The following WDR7 variants were observed in gnomAD, a reference collection of about 807,000 sequenced individuals.
The protein encoded by WDR7 is WD repeat domain 7.
In WDR7, 46 loss-of-function variants were observed where a neutral mutation model predicts 169.4. The observed-to-expected ratio is 0.27, with a 90% CI of 0.21 to 0.35. The LOEUF is 0.35. Ranked by LOEUF, WDR7 falls within the 10% of genes least tolerant of loss-of-function variation. The pLI, the probability that WDR7 is intolerant of heterozygous loss-of-function variation, is 1.00. For synonymous variants in WDR7, 612 were observed against 666.8 expected, an observed-to-expected ratio of 0.92 and a Z score of 1.27; for missense variants, 1,534 against 1,859.3, an observed-to-expected ratio of 0.83 and a Z score of 3.22.
At chr18:56,775,127 T>C (rs1188865269) in intron 16 of WDR7, among the ~76,000 whole-genome samples, 1 of 152,140 alleles carries the variant, frequency 6.6e-6, no homozygotes, top group Non-Finnish European at 1.5e-5. Context: ...GACCACTCAA[T>C]CCTAAACTTT....
chr18:56,979,277 C>A (rs2047608849), intron 26 of WDR7, among the ~76,000 whole-genome samples: 1 of 152,126 alleles, frequency 6.6e-6, no homozygotes, highest in Non-Finnish European at 1.5e-5. Context: ...CCATAAATTT[C>A]TCTCACTGTC....
chr18:56,659,657 G>T (rs372156719), intron 1 of WDR7, among the ~76,000 whole-genome samples: 6 of 152,102 alleles, frequency 3.9e-5, no homozygotes, highest in African/African-American at 1.4e-4. Flanking sequence ...GGAATCTGGG[G>T]TGGGGGACAC....
intron 22 of WDR7, among the ~76,000 whole-genome samples, chr18:56,928,689 A>T (rs1227343013): frequency 6.6e-6 from 1 of 152,176 alleles, no homozygotes; most frequent in East Asian, 1.9e-4. Flanking sequence ...CTTCTGTGCT[A>T]TTCAGATCTC....
At chr18:56,735,332 A>C (rs2026676187) in intron 14 of WDR7, among the ~76,000 whole-genome samples, 1 of 152,184 alleles carries the variant, frequency 6.6e-6, no homozygotes. Context: ...CAGTGCTATT[A>C]ACAAGAATGT....
intron 4 of WDR7, among the ~76,000 whole-genome samples, chr18:56,681,707 G>T (rs1024977996): frequency 6.6e-6 from 1 of 152,166 alleles, no homozygotes; most frequent in Non-Finnish European, 1.5e-5. Flanking sequence ...CTAAATAATG[G>T]AATTCTTCCT....
intron 20 of WDR7, among the ~76,000 whole-genome samples, chr18:56,868,073 C>T (rs2045906411): frequency 1.3e-5 from 2 of 152,110 alleles, no homozygotes; most frequent in South Asian, 2.1e-4. Flanking sequence ...TTCCAAGATA[C>T]TATGTTGCCC....
intron 21 of WDR7, among the ~76,000 whole-genome samples, chr18:56,893,193 C>CTT (rs560281751): frequency 3.5e-5 from 5 of 143,942 alleles, no homozygotes; most frequent in African/African-American, 1.3e-4. Context: ...TTGCTGGTGA[C>CTT]TTTTTTTTTT....
At chr18:56,654,232 A>C (rs534973312) in intron 1 of WDR7, among the ~76,000 whole-genome samples, 1 of 152,068 alleles carries the variant, frequency 6.6e-6, no homozygotes, top group South Asian at 2.1e-4. Context: ...CCCAGGTTCA[A>C]GCGATTCTCC....
chr18:56,670,087 A>G (rs983745134), intron 1 of WDR7, among the ~76,000 whole-genome samples: 3 of 152,192 alleles, frequency 2.0e-5, no homozygotes, highest in African/African-American at 7.2e-5. Flanking sequence ...TTAAATGGTT[A>G]GGTCCTGGCT....
intron 22 of WDR7, among the ~76,000 whole-genome samples, chr18:56,930,008 A>G (rs1029034257): frequency 2.6e-5 from 4 of 152,148 alleles, no homozygotes; most frequent in African/African-American, 9.7e-5. Context: ...TGCCTCGTTC[A>G]TGTGGCAGGG....
At chr18:56,759,077 T>C in intron 16 of WDR7, 124 bp downstream of exon 16, 1 of 658,558 alleles carries the variant, frequency 1.5e-6, no homozygotes, top group African/African-American at 1.9e-5. Context: ...AAAGTTGTTA[T>C]ATTCCAGATG....
chr18:56,809,590 G>T (rs981358373), intron 19 of WDR7, among the ~76,000 whole-genome samples: 1 of 151,852 alleles, frequency 6.6e-6, no homozygotes, highest in Admixed American at 6.6e-5. Flanking sequence ...TTTCCTAGTG[G>T]ACTCTTATTT....
chr18:56,780,148 C>T (rs990363898), intron 18 of WDR7, among the ~76,000 whole-genome samples: 2 of 152,136 alleles, frequency 1.3e-5, no homozygotes, highest in Admixed American at 6.5e-5. Flanking sequence ...AGTACAGTAC[C>T]TGACACATGG....
intron 26 of WDR7, among the ~76,000 whole-genome samples, chr18:57,009,373 G>A (rs987027032): frequency 6.6e-6 from 1 of 152,180 alleles, no homozygotes; most frequent in African/African-American, 2.4e-5. Context: ...CCATCATCAA[G>A]GGAATTCACT....
rs149622286 is a variant in WDR7 at position 56,834,560 on chromosome 18, C to T, written c.3304+18416C>T. The stretch of plus-strand genomic sequence containing the variant: ...TGTGACCTGATTTCTAGACCCTTCT[C>T]TCTTCCATTTGTATGTACTATGTTT... On this transcript the variant is annotated intron_variant, in intron 20 of 27. Coordinates refer to ENST00000254442, the MANE Select transcript of WDR7 (RefSeq NM_015285.3). 1.9e-3 allele frequency among the ~76,000 whole-genome samples: 289 copies of T among 152,106 alleles called. 1 individual carries two copies. Among genetic ancestry groups the T allele is most frequent in the South Asian group, 7.9e-3 (38 of 4,820 alleles).
chr18:56,879,414 C>T (rs982296427), intron 20 of WDR7, among the ~76,000 whole-genome samples: 25 of 152,120 alleles, frequency 1.6e-4, no homozygotes, highest in Admixed American at 1.3e-4. Flanking sequence ...ACCATTCATA[C>T]AACTTTGGAA....
chr18:57,002,697 A>G (rs1305981114), intron 26 of WDR7, among the ~76,000 whole-genome samples: 1 of 152,208 alleles, frequency 6.6e-6, no homozygotes, highest in African/African-American at 2.4e-5. Context: ...GAATGGCTGC[A>G]GCTGTCAGCT....
At chr18:56,989,763 A>G (rs1228434825) in intron 26 of WDR7, among the ~76,000 whole-genome samples, 1 of 152,234 alleles carries the variant, frequency 6.6e-6, no homozygotes, top group African/African-American at 2.4e-5. Flanking sequence ...TAAGTTTCCA[A>G]GCTTACCTTT....
At chr18:56,838,322 G>A (rs1428393345) in intron 20 of WDR7, among the ~76,000 whole-genome samples, 1 of 152,076 alleles carries the variant, frequency 6.6e-6, no homozygotes, top group Non-Finnish European at 1.5e-5. Context: ...AGAATTTTAG[G>A]TTTGTATTCT....
Sources: allele counts gnomAD v4.1 joint callset (sites outside exome capture counted in the v4.1 genomes callset), GRCh38; gene constraint gnomAD v4.1.1; transcripts MANE v1.5; gene names NCBI Gene and HGNC (gene_info 2026-07-23, HGNC 2026-07-21).